Variants in NOS1 observed in about 807,000 individuals in gnomAD.
The protein encoded by NOS1 is nitric oxide synthase 1, also known as NOS type I.
NOS1 carries 51 observed loss-of-function variants against 164.5 expected under a neutral mutation model. The observed-to-expected ratio is 0.31, with a 90% CI of 0.25 to 0.39. The LOEUF is 0.39. NOS1 is among the 10% of genes least tolerant of loss of function. The pLI is 1.00. For missense variants in NOS1, 1,362 were observed against 1,885.6 expected (o/e 0.72, Z 5.14); for synonymous variants, 719 against 745.8 (o/e 0.96, Z 0.59).
rs1476453217 is a variant in NOS1 at position 117,272,585 on chromosome 12, C to T, written c.1665-26G>A. 6.2e-7 allele frequency: 1 copy of T among 1,603,692 alleles called. No homozygotes were observed. Among genetic ancestry groups the T allele is most frequent in the Non-Finnish European group, 8.5e-7 (1 of 1,175,176 alleles). On this transcript the variant is annotated intron_variant, in intron 9 of 28. Coordinates refer to ENST00000317775, the MANE Select transcript of NOS1 (RefSeq NM_000620.5). The surrounding 1 kb of genome is among the most constrained non-coding windows in gnomAD (Gnocchi z 4.3). ...CTGCAGGGAGCAACAGGGCCCAGCT[C>T]ACCCGGAGCAGGTGTCTCATGGGCG...
At position 117,311,493 on chromosome 12, in the gene NOS1, G is replaced by A. The variant is rs1439273966; in HGVS notation, c.825C>T (p.Leu275=). Residue 275 remains leucine (L), a synonymous_variant, in exon 3 of 29, where the codon CTC becomes CTT. Coordinates refer to ENST00000317775, the MANE Select transcript of NOS1 (RefSeq NM_000620.5). ...GCTCCTTCTCTGAATATGGGTTGTTGAGGACGACAGGCACATTGCCCTTCC... is the reference window on the plus strand; with the variant it reads ...GCTCCTTCTCTGAATATGGGTTGTTAAGGACGACAGGCACATTGCCCTTCC... The part of the protein sequence containing the change: ...LWGKGNVPVV[L]NNPYSEKEQP... The A allele has an allele frequency of 1.2e-6, 2 of 1,611,424 alleles. No individual in the cohort carries two copies. Among genetic ancestry groups the A allele is most frequent in the Non-Finnish European group, 1.7e-6 (2 of 1,178,990 alleles).
At chr12:117,303,146 A>G (rs904146768) in intron 3 of NOS1, among the ~76,000 whole-genome samples, 1 of 152,078 alleles carries the variant, frequency 6.6e-6, no homozygotes, top group African/African-American at 2.4e-5. Flanking sequence ...AGAGCATTTT[A>G]CTGGTTTGCC....
At chr12:117,229,565 TA>T (rs1195622791) in intron 22 of NOS1, among the ~76,000 whole-genome samples, 3 of 100,170 alleles carry the variant, frequency 3.0e-5, no homozygotes, top group Non-Finnish European at 7.7e-5. Context: ...CAAATTCTTC[TA>T]TCTATCTATC....
At chr12:117,323,102 T>C (rs1236402018) in intron 2 of NOS1, among the ~76,000 whole-genome samples, 1 of 152,172 alleles carries the variant, frequency 6.6e-6, no homozygotes, top group Non-Finnish European at 1.5e-5. Context: ...AGCCTTTTAT[T>C]CTGAGGAAGA....
chr12:117,247,150 G>A (rs1870680771), intron 18 of NOS1, among the ~76,000 whole-genome samples, 198 bp downstream of exon 18: 1 of 152,094 alleles, frequency 6.6e-6, no homozygotes, highest in Non-Finnish European at 1.5e-5. Context: ...AATGTAGAAT[G>A]TTGGATTCTG....
At chr12:117,237,280 C>A (rs1018860456) in intron 20 of NOS1, among the ~76,000 whole-genome samples, 7 of 151,914 alleles carry the variant, frequency 4.6e-5, no homozygotes, top group African/African-American at 1.5e-4. Context: ...TACAGTAGCC[C>A]GCCACCATGC....
Position 117,212,146 on chromosome 12 carries a change from C to T in NOS1, c.*3163G>A, listed in dbSNP as rs1956538459. The T allele has an allele frequency of 3.0e-6, 3 of 985,264 alleles. No homozygotes were observed. The Admixed American group carries it at 1.8e-4, about 61-fold the overall frequency. 61.0% of individuals were successfully genotyped at this position (985,264 alleles called of 1,614,324 possible). A position where few individuals can be genotyped will look rare whatever the true frequency, so the allele number is the denominator to read the frequency against. On this transcript the variant is annotated 3_prime_UTR_variant, in exon 29 of 29. Transcript: ENST00000317775. ...TGCAAACTGCCCGGTGCCTTCCACA[C>T]ACTGGAGAAGCAAGACATGTTATAA...
rs1196984885 is a variant in NOS1 at position 117,222,771 on chromosome 12, T to C, written c.3919A>G (p.Lys1307Glu). The C allele has an allele frequency of 9.3e-6, 15 of 1,613,846 alleles. No individual in the cohort carries two copies. Among genetic ancestry groups the C allele is most frequent in the Non-Finnish European group, 1.1e-5 (13 of 1,179,978 alleles). Residue 1307 changes from lysine to glutamate, a missense_variant, in exon 26 of 29, where the codon AAG becomes GAG. By Grantham distance (56) the Lys-to-Glu change is moderately conservative. Coordinates refer to ENST00000317775, the MANE Select transcript of NOS1 (RefSeq NM_000620.5). ...GTGTACAGCTCTCTGAAGACCCCCT[T>C]GTTCTTGGCCTGCAGGGTCTCTTCC... ...YREETLQAKN[K>E]GVFRELYTAY...
At chr12:117,299,965 T>C (rs1400690376) in intron 3 of NOS1, among the ~76,000 whole-genome samples, 4 of 152,184 alleles carry the variant, frequency 2.6e-5, no homozygotes, top group Non-Finnish European at 4.4e-5. Flanking sequence ...CCTGTAATTA[T>C]CTCGTGGCCT....
At chr12:117,220,503 C>T (rs1956686136) in intron 26 of NOS1, among the ~76,000 whole-genome samples, 1 of 152,204 alleles carries the variant, frequency 6.6e-6, no homozygotes, top group Non-Finnish European at 1.5e-5. Context: ...AACTGGAGCT[C>T]AGCTCTGCTA....
chr12:117,258,947 T>C, intron 15 of NOS1, 79 bp downstream of exon 15: 1 of 942,226 alleles, frequency 1.1e-6, no homozygotes. Context: ...ATAGCAGGTG[T>C]AGGAAGAGTC....
At chr12:117,316,769 A>G (rs190217807) in intron 2 of NOS1, among the ~76,000 whole-genome samples, 2 of 152,074 alleles carry the variant, frequency 1.3e-5, no homozygotes, top group African/African-American at 2.4e-5. Flanking sequence ...ATTTGGTTAG[A>G]CCTCATATCT....
intron 1 of NOS1, among the ~76,000 whole-genome samples, chr12:117,338,046 A>C (rs148815860): frequency 0.011 from 1,619 of 151,894 alleles, 26 homozygotes; most frequent in African/African-American, 0.035. Flanking sequence ...GAAACCCCAT[A>C]TCTACTAAAA....
In NOS1 at chr12:117,324,989, A is replaced by G. The variant is rs867575252; in HGVS notation, c.725+5356T>C. ...TTAAGCCTGTTTCCAAGAGGAAAGAAAGAAAGAAAATGGGGACAACAGAGC... is the reference window on the plus strand; with the variant it reads ...TTAAGCCTGTTTCCAAGAGGAAAGAGAGAAAGAAAATGGGGACAACAGAGC... On this transcript the variant is annotated intron_variant, in intron 2 of 28. Coordinates refer to ENST00000317775, the MANE Select transcript of NOS1 (RefSeq NM_000620.5). Among the ~76,000 whole-genome samples the G allele has an allele frequency of 3.3e-5, 5 of 152,364 alleles. No homozygotes were observed. In the Middle Eastern group the frequency reaches 0.014, roughly 415 times the overall value.
At chr12:117,220,800 A>G (rs886920366) in intron 26 of NOS1, among the ~76,000 whole-genome samples, 1 of 152,142 alleles carries the variant, frequency 6.6e-6, no homozygotes, top group Admixed American at 6.5e-5. Flanking sequence ...AGGTGGGCTA[A>G]GGAGGTGTGA....
chr12:117,218,099 G>C lies in NOS1; in HGVS notation c.4236C>G (p.Arg1412=). 1 of 1,614,130 alleles carries C rather than the reference G, an allele frequency of 6.2e-7. No individual in the cohort carries two copies. The highest frequency in any genetic ancestry group is 8.5e-7 in the Non-Finnish European group (1 of 1,180,020). Residue 1412 remains arginine (R), a synonymous_variant, in exon 28 of 29, where the codon CGC becomes CGG. Transcript: ENST00000317775. ...TGAAGGCAATGGACTCAGATCTAAGGCGGTTGGTCACTTCGTACGTTCGCA... is the reference window on the plus strand; with the variant it reads ...TGAAGGCAATGGACTCAGATCTAAGCCGGTTGGTCACTTCGTACGTTCGCA... The part of the protein sequence containing the change: ...VTLRTYEVTN[R]LRSESIAFIE...
intron 27 of NOS1, among the ~76,000 whole-genome samples, chr12:117,218,879 G>A (rs558395796): frequency 6.6e-6 from 1 of 152,194 alleles, no homozygotes; most frequent in East Asian, 1.9e-4. Flanking sequence ...CTGAAGAAGG[G>A]CAGTGGTTGG....
rs771211871 is a variant in NOS1, at chr12:117,210,592, G to A, written c.*4717C>T. 106 of 985,360 alleles carry A rather than the reference G, an allele frequency of 1.1e-4. No individual in the cohort carries two copies. Among genetic ancestry groups the A allele is most frequent in the Non-Finnish European group, 1.2e-4 (102 of 829,990 alleles). The allele number at this position is 985,360 out of a possible 1,614,324, so 61.0% of individuals were successfully genotyped here. A position where few individuals can be genotyped will look rare whatever the true frequency, so the allele number is the denominator to read the frequency against. ...GGCTGCATTAGGCGCTGGTGCTGTC[G>A]GAGTGAAGGGGCTCAGGCATCTGGA... On this transcript the variant is annotated 3_prime_UTR_variant, in exon 29 of 29. Transcript: ENST00000317775.
At chr12:117,222,059 C>T (rs915073311) in intron 26 of NOS1, among the ~76,000 whole-genome samples, 11 of 152,032 alleles carry the variant, frequency 7.2e-5, no homozygotes, top group Non-Finnish European at 1.0e-4. Flanking sequence ...CTCAGTGTTA[C>T]GGGATCATCA....
Sources: allele counts gnomAD v4.1 joint callset (sites outside exome capture counted in the v4.1 genomes callset), GRCh38; gene constraint gnomAD v4.1.1; non-coding constraint Gnocchi (gnomAD v3.1); transcripts MANE v1.5; gene names NCBI Gene and HGNC (gene_info 2026-07-23, HGNC 2026-07-21).